Variants in ALDH1L1 observed in about 807,000 individuals in gnomAD.
ALDH1L1 encodes cytosolic 10-formyltetrahydrofolate dehydrogenase.
A neutral mutation model predicts 101.1 loss-of-function variants in ALDH1L1; 68 were observed. The observed-to-expected ratio is 0.67, with a 90% CI of 0.55 to 0.82. The LOEUF is 0.82. Ranked by LOEUF, ALDH1L1 falls within the 40% of genes least tolerant of loss-of-function variation. ALDH1L1 has a pLI of 0.00. For synonymous variants in ALDH1L1, 486 were observed against 470.8 expected, an observed-to-expected ratio of 1.03 and a Z score of -0.42; for missense variants, 1,087 against 1,172.7, an observed-to-expected ratio of 0.93 and a Z score of 1.07.
intron 9 of ALDH1L1, among the ~76,000 whole-genome samples, chr3:126,140,810 T>A (rs571633083): frequency 6.7e-6 from 1 of 148,492 alleles, no homozygotes; most frequent in South Asian, 2.1e-4. Flanking sequence ...AAGAAGGGAA[T>A]CAAAGTGATA....
At chr3:126,184,373 G>C (rs1185011669), upstream of ALDH1L1, among the ~76,000 whole-genome samples, 3 of 152,192 alleles carry the variant, frequency 2.0e-5, no homozygotes, top group East Asian at 5.8e-4. Context: ...CTCACTCACA[G>C]CACAGACCAC....
intron 10 of ALDH1L1, among the ~76,000 whole-genome samples, 196 bp downstream of exon 10, chr3:126,137,617 C>T (rs2080474705): frequency 1.3e-5 from 2 of 152,194 alleles, no homozygotes; most frequent in Admixed American, 6.5e-5. Flanking sequence ...ACAGCAACAT[C>T]CTCTGGCAAG....
At chr3:126,165,711 A>G (rs931152892) in intron 1 of ALDH1L1, among the ~76,000 whole-genome samples, 7 of 152,098 alleles carry the variant, frequency 4.6e-5, no homozygotes, top group African/African-American at 1.7e-4. Context: ...TTGTGTGCAT[A>G]TATTTGTTCA....
At chr3:126,192,112 G>A (rs13082246) in intron 1 of ALDH1L1, among the ~76,000 whole-genome samples, 94,663 of 152,044 alleles carry the variant, frequency 0.62, 29,542 homozygotes, top group Middle Eastern at 0.67. Context: ...TGGGCACACT[G>A]GACAATCAAG....
intron 1 of ALDH1L1, among the ~76,000 whole-genome samples, chr3:126,192,351 T>G (rs1221204484): frequency 6.6e-6 from 1 of 152,182 alleles, no homozygotes; most frequent in Non-Finnish European, 1.5e-5. Flanking sequence ...TTAGGATAAT[T>G]TACATAAAGG....
At chr3:126,189,355 T>C (rs1364290939) in intron 1 of ALDH1L1, among the ~76,000 whole-genome samples, 2 of 152,198 alleles carry the variant, frequency 1.3e-5, no homozygotes, top group African/African-American at 4.8e-5. Context: ...TTCCCACGTA[T>C]TGGGAAAACT....
At chr3:126,113,250 G>C (rs1946138284) in intron 18 of ALDH1L1, among the ~76,000 whole-genome samples, 1 of 152,116 alleles carries the variant, frequency 6.6e-6, no homozygotes. Context: ...GCCGACTCCT[G>C]TTTCAGAGTC....
chr3:126,140,110 C>T (rs1489923274), intron 9 of ALDH1L1, among the ~76,000 whole-genome samples: 2 of 152,162 alleles, frequency 1.3e-5, no homozygotes, highest in African/African-American at 2.4e-5. Flanking sequence ...AGGCACATTA[C>T]ACCCAGCTTG....
chr3:126,181,305 C>T (rs2081471927), upstream of ALDH1L1: 2 of 431,244 alleles, frequency 4.6e-6, no homozygotes, highest in South Asian at 2.3e-5. Flanking sequence ...CAGGTGGCTC[C>T]TTCTCCTGGA....
chr3:126,170,400 C>T (rs1330752282), intron 1 of ALDH1L1, among the ~76,000 whole-genome samples: 1 of 138,010 alleles, frequency 7.2e-6, no homozygotes, highest in Non-Finnish European at 1.5e-5. Flanking sequence ...TGGGTCTTTC[C>T]AAACATGCAC....
chr3:126,158,698 C>A, intron 2 of ALDH1L1, 59 bp from the exon 3 acceptor site: 2 of 1,521,216 alleles, frequency 1.3e-6, no homozygotes. Flanking sequence ...ACGCAGCCAC[C>A]TCTGCCTTCC....
intron 1 of ALDH1L1, among the ~76,000 whole-genome samples, chr3:126,161,232 A>C (rs2081043928): frequency 6.6e-6 from 1 of 152,244 alleles, no homozygotes; most frequent in African/African-American, 2.4e-5. Flanking sequence ...ATGCGACAGC[A>C]GGTGAGCTGG....
chr3:126,113,235 G>A (rs1349995330), intron 18 of ALDH1L1, among the ~76,000 whole-genome samples: 1 of 152,134 alleles, frequency 6.6e-6, no homozygotes, highest in African/African-American at 2.4e-5. Flanking sequence ...GGCGGCCCAG[G>A]AGGTGCCGAC....
chr3:126,191,364 G>T (rs1310148791), intron 1 of ALDH1L1, among the ~76,000 whole-genome samples: 1 of 152,240 alleles, frequency 6.6e-6, no homozygotes, highest in East Asian at 1.9e-4. Context: ...ATGTGCCTCA[G>T]CTGCGGGGGC....
At chr3:126,133,333 C>T (rs2080353649) in intron 12 of ALDH1L1, among the ~76,000 whole-genome samples, 1 of 152,202 alleles carries the variant, frequency 6.6e-6, no homozygotes, top group Non-Finnish European at 1.5e-5. Flanking sequence ...GTGTTGTCAC[C>T]TGGACATGGA....
intron 1 of ALDH1L1, among the ~76,000 whole-genome samples, chr3:126,171,336 G>T (rs1243906668): frequency 1.3e-5 from 2 of 152,094 alleles, no homozygotes; most frequent in African/African-American, 4.8e-5. Context: ...TATACCTGCA[G>T]CTGCAGGAAA....
At chr3:126,123,360 C>T (rs1358910787) in intron 16 of ALDH1L1, among the ~76,000 whole-genome samples, 6 of 151,452 alleles carry the variant, frequency 4.0e-5, no homozygotes, top group East Asian at 3.9e-4. Flanking sequence ...CAGGTTCAGG[C>T]GATTCTTCTG....
intron 8 of ALDH1L1, among the ~76,000 whole-genome samples, chr3:126,149,206 C>T (rs75828584): frequency 0.07 from 10,618 of 152,306 alleles, 477 homozygotes; most frequent in African/African-American, 0.12. Context: ...ATCTGCTTTT[C>T]TCATGAGATG....
At chr3:126,139,038 C>A (rs528941115) in intron 9 of ALDH1L1, among the ~76,000 whole-genome samples, 11 of 152,364 alleles carry the variant, frequency 7.2e-5, no homozygotes, top group Non-Finnish European at 1.5e-4. Flanking sequence ...AAAGTTGAAG[C>A]AGGGCTGGGT....
Sources: allele counts gnomAD v4.1 joint callset (sites outside exome capture counted in the v4.1 genomes callset), GRCh38; gene constraint gnomAD v4.1.1; transcripts MANE v1.5; gene names NCBI Gene and HGNC (gene_info 2026-07-23, HGNC 2026-07-21).